RAB2A: variants seen among roughly 807,000 people sequenced by gnomAD.
The protein encoded by RAB2A is RAB2A, member RAS oncogene family.
A neutral mutation model predicts 32.5 loss-of-function variants in RAB2A; 7 were observed. The observed-to-expected ratio is 0.22, with a 90% confidence interval of 0.12 to 0.40. The LOEUF (loss-of-function observed/expected upper bound fraction) is 0.40. Ranked by LOEUF, RAB2A falls within the 10% of genes least tolerant of loss-of-function variation. The probability of loss-of-function intolerance (pLI) is 1.00; values close to 1 mark genes in which losing one functional copy is unlikely to be tolerated. For missense variants in RAB2A, 108 were observed against 260.7 expected (o/e 0.41, Z 4.03); for synonymous variants, 79 against 85.2 (o/e 0.93, Z 0.40).
chr8:60,549,600 C>T (rs899643370), intron 1 of RAB2A, among the ~76,000 whole-genome samples: 2 of 151,242 alleles, frequency 1.3e-5, no homozygotes, highest in African/African-American at 2.4e-5. Flanking sequence ...TGTCTGTCTA[C>T]GTGGAGAGAA....
chr8:60,539,589 G>A (rs978982794), intron 1 of RAB2A, among the ~76,000 whole-genome samples: 17 of 152,122 alleles, frequency 1.1e-4, no homozygotes, highest in East Asian at 1.9e-4. Flanking sequence ...AATATAAAAC[G>A]TAGGACTAAA....
At chr8:60,521,395 A>G (rs1246853250) in intron 1 of RAB2A, among the ~76,000 whole-genome samples, 3 of 152,164 alleles carry the variant, frequency 2.0e-5, no homozygotes, top group Non-Finnish European at 1.5e-5. Flanking sequence ...TGGAGTCCCT[A>G]TTACCTGAGA....
chr8:60,565,046 G>A (rs1808082699), intron 2 of RAB2A, among the ~76,000 whole-genome samples: 2 of 152,274 alleles, frequency 1.3e-5, no homozygotes, highest in South Asian at 4.1e-4. Flanking sequence ...TGGACAGTTT[G>A]ACCAATGTTA....
intron 6 of RAB2A, among the ~76,000 whole-genome samples, chr8:60,611,521 A>G (rs763798618): frequency 2.0e-5 from 3 of 152,216 alleles, no homozygotes; most frequent in Non-Finnish European, 4.4e-5. Context: ...TATTGGATGC[A>G]TATCTATCCT....
At chr8:60,604,150 T>C (rs767045489) in intron 6 of RAB2A, among the ~76,000 whole-genome samples, 4 of 152,172 alleles carry the variant, frequency 2.6e-5, no homozygotes, top group Non-Finnish European at 5.9e-5. Flanking sequence ...CCTCTTTCTC[T>C]TTCTCCTGCT....
At chr8:60,520,258 C>T (rs1189960656) in intron 1 of RAB2A, among the ~76,000 whole-genome samples, 1 of 152,160 alleles carries the variant, frequency 6.6e-6, no homozygotes, top group Non-Finnish European at 1.5e-5. Flanking sequence ...GAGCTGTTTT[C>T]TTACTGTAAG....
At chr8:60,614,667 A>G (rs1430549718) in intron 6 of RAB2A, among the ~76,000 whole-genome samples, 1 of 152,070 alleles carries the variant, frequency 6.6e-6, no homozygotes, top group African/African-American at 2.4e-5. Context: ...TTTTGTGGTT[A>G]CGGTTGTTTC....
chr8:60,568,902 T>C (rs947760211), intron 2 of RAB2A, among the ~76,000 whole-genome samples: 1 of 152,162 alleles, frequency 6.6e-6, no homozygotes, highest in African/African-American at 2.4e-5. Context: ...GAAGGAAACC[T>C]TTCTAAATGG....
chr8:60,531,798 A>ATTTTTTTTTTTTTTTT (rs11320293), intron 1 of RAB2A, among the ~76,000 whole-genome samples: 11 of 129,726 alleles, frequency 8.5e-5, no homozygotes, highest in African/African-American at 3.2e-4. Context: ...TTCTACCTTG[A>ATTTTTTTTTTTTTTTT]TTTTTTTTTT....
intron 1 of RAB2A, among the ~76,000 whole-genome samples, chr8:60,530,403 C>A (rs1807458867): frequency 6.6e-6 from 1 of 152,046 alleles, no homozygotes; most frequent in South Asian, 2.1e-4. Context: ...ACCTCAACCT[C>A]TCAAAGTGCT....
intron 3 of RAB2A, among the ~76,000 whole-genome samples, chr8:60,573,787 C>G (rs1808229517): frequency 6.6e-6 from 1 of 152,206 alleles, no homozygotes; most frequent in Non-Finnish European, 1.5e-5. Context: ...AAGAGGTTCT[C>G]TCTTCTTGTT....
At chr8:60,565,330 G>A (rs114629934) in intron 2 of RAB2A, among the ~76,000 whole-genome samples, 128 of 149,956 alleles carry the variant, frequency 8.5e-4, no homozygotes, top group African/African-American at 2.9e-3. Context: ...GAGGCGGGAG[G>A]ATTGCTTGAG....
chr8:60,576,225 T>C (rs536947595), intron 3 of RAB2A: 13 of 456,296 alleles, frequency 2.8e-5, no homozygotes, highest in African/African-American at 2.0e-4. Flanking sequence ...AAATATTCTT[T>C]TCTGCCAGGG....
chr8:60,605,939 A>G (rs535430923), intron 6 of RAB2A, among the ~76,000 whole-genome samples: 10 of 151,668 alleles, frequency 6.6e-5, no homozygotes, highest in Admixed American at 5.9e-4. Flanking sequence ...ACCTGAGGTC[A>G]GGAGTTCGAG....
At chr8:60,532,439 A>G (rs1024781947) in intron 1 of RAB2A, among the ~76,000 whole-genome samples, 11 of 152,220 alleles carry the variant, frequency 7.2e-5, no homozygotes, top group Non-Finnish European at 4.4e-5. Flanking sequence ...TCCTCTATGT[A>G]AAGGTATTTG....
intron 1 of RAB2A, among the ~76,000 whole-genome samples, chr8:60,557,751 G>A (rs527573732): frequency 1.9e-4 from 28 of 148,500 alleles, no homozygotes; most frequent in Admixed American, 1.5e-3. Context: ...GTCTTTTTTT[G>A]TTTTAAAAGA....
At chr8:60,598,668 C>A (rs1574760) in intron 6 of RAB2A, among the ~76,000 whole-genome samples, 39 of 152,032 alleles carry the variant, frequency 2.6e-4, no homozygotes, top group African/African-American at 9.2e-4. Context: ...AGAGAAACCA[C>A]GTGATTATAG....
At chr8:60,565,292 A>C (rs1240302767) in intron 2 of RAB2A, among the ~76,000 whole-genome samples, 2 of 151,954 alleles carry the variant, frequency 1.3e-5, no homozygotes, top group Non-Finnish European at 2.9e-5. Flanking sequence ...GGTGGCACAC[A>C]CCTGTAGCCC....
chr8:60,529,305 G>A (rs1807440807), intron 1 of RAB2A, among the ~76,000 whole-genome samples: 1 of 152,134 alleles, frequency 6.6e-6, no homozygotes, highest in South Asian at 2.1e-4. Context: ...GTACATGTCT[G>A]TTAGATCAGA....
Sources: allele counts gnomAD v4.1 joint callset (sites outside exome capture counted in the v4.1 genomes callset), GRCh38; gene constraint gnomAD v4.1.1; transcripts MANE v1.5; gene names NCBI Gene and HGNC (gene_info 2026-07-23, HGNC 2026-07-21).